Variants in KHNYN observed in about 807,000 individuals in gnomAD.
KHNYN encodes the protein KH and NYN domain containing, also known as protein KHNYN.
KHNYN carries 42 observed loss-of-function variants against 62.7 expected under a neutral mutation model. That is an observed-to-expected ratio of 0.67 (90% CI 0.52 to 0.87). KHNYN has a LOEUF of 0.87. Ranked by LOEUF, KHNYN falls within the 40% of genes least tolerant of loss-of-function variation. The pLI is 0.00. For missense variants in KHNYN, 829 were observed against 874.1 expected (o/e 0.95, Z 0.65); for synonymous variants, 347 against 345.6 (o/e 1.00, Z -0.04).
intron 5 of KHNYN, among the ~76,000 whole-genome samples, chr14:24,433,664 T>G (rs2043160575): frequency 6.6e-6 from 1 of 152,238 alleles, no homozygotes; most frequent in South Asian, 2.1e-4. Context: ...AGGTATGTGC[T>G]TGCCTTGCTC....
intron 7 of KHNYN, 79 bp from the exon 8 acceptor site, chr14:24,436,957 A>G: frequency 6.5e-7 from 1 of 1,531,136 alleles, no homozygotes. Flanking sequence ...AGGCAGGACA[A>G]TTACGAGAGG....
chr14:24,429,009 G>T (rs1281779948), upstream of KHNYN: 1 of 1,546,408 alleles, frequency 6.5e-7, no homozygotes, highest in Non-Finnish European at 8.7e-7. Context: ...GGCAGCCCGG[G>T]ACTGTGTAGG....
In KHNYN at chr14:24,437,327, C is replaced by T. The variant is rs749604245; in HGVS notation, c.*42C>T. 18 of 1,581,474 alleles carry T rather than the reference C, an allele frequency of 1.1e-5. No homozygotes were observed. The highest frequency in any genetic ancestry group is 6.7e-5 in the African/African-American group (5 of 74,322). ...TGGCTGCCGCCCTGTCAGCTCCAGC[C>T]GCCTCCAGCTCAGCCCTTTCTGTGA... is the stretch of plus-strand genomic sequence containing the variant. On this transcript the variant is annotated 3_prime_UTR_variant, in exon 8 of 8. Coordinates refer to ENST00000553935, the MANE Select transcript of KHNYN (RefSeq NM_015299.3). This position sits in a 1 kb window ranked among gnomAD's most constrained non-coding sequence, Gnocchi z 5.5.
At chr14:24,429,169 G>A (rs1594750133), upstream of KHNYN, 20 of 1,103,388 alleles carry the variant, frequency 1.8e-5, no homozygotes, top group East Asian at 2.9e-4. Flanking sequence ...CTCTAGGCTC[G>A]CTGAACCCCC....
chr14:24,429,619 ATTGCTTTGGTGGAAAGTGCTT>A, upstream of KHNYN: 1 of 1,043,054 alleles, frequency 9.6e-7, no homozygotes. Flanking sequence ...CTCCGCCACG[ATTGCTTTGGTGGAAAGTGCTT>A]GGGCCTAGAG....
In KHNYN at chr14:24,432,443, G is replaced by A. The variant is rs1454603990; in HGVS notation, c.1182G>A (p.Arg394=). The change falls in exon 3 of 8, where the codon CGG becomes CGA. Residue 394 remains arginine (R), a synonymous_variant. Coordinates refer to ENST00000553935, the MANE Select transcript of KHNYN (RefSeq NM_015299.3). The surrounding 1 kb of genome is among the most constrained non-coding windows in gnomAD (Gnocchi z 5.6). ...DRGDKQQGMA[R]GRGPQWKRGA... ...GAGACAAGCAGCAGGGCATGGCACG[G>A]GGTCGGGGGCCTCAATGGAAACGAG... is the stretch of plus-strand genomic sequence containing the variant. 4 of 1,613,438 alleles carry A rather than the reference G, an allele frequency of 2.5e-6. No homozygotes were observed. The highest frequency in any genetic ancestry group is 3.4e-6 in the Non-Finnish European group (4 of 1,179,884).
At chr14:24,429,024 C>T, upstream of KHNYN, 7 of 1,524,478 alleles carry the variant, frequency 4.6e-6, no homozygotes, top group Non-Finnish European at 6.2e-6. Flanking sequence ...TGTAGGGGAC[C>T]TGGTAGCCAG....
At chr14:24,429,007 G>C (rs368998125), upstream of KHNYN, 1 of 1,546,842 alleles carries the variant, frequency 6.5e-7, no homozygotes, top group Admixed American at 2.0e-5. Context: ...AGGGCAGCCC[G>C]GGACTGTGTA....
chr14:24,434,930 A>G (rs181878764), intron 5 of KHNYN, among the ~76,000 whole-genome samples: 1 of 152,280 alleles, frequency 6.6e-6, no homozygotes, highest in Non-Finnish European at 1.5e-5. Context: ...ATCAAACACT[A>G]CAGGAACTCA....
At chr14:24,427,877 T>C, upstream of KHNYN, 1 of 1,613,978 alleles carries the variant, frequency 6.2e-7, no homozygotes, top group Non-Finnish European at 8.5e-7. The surrounding 1 kb of genome is among the most constrained non-coding windows in gnomAD (Gnocchi z 4.4). Flanking sequence ...AGACACTCGG[T>C]CCCCAGGGTC....
rs1475660437 is a variant in KHNYN at position 24,436,186 on chromosome 14, G to T, written c.1685+7G>T. ...TGGCAATCATCAGAGAACGGTGAGG[G>T]AGCCCTCCCGCTGAGAACTGGGCAC... On this transcript the variant is annotated splice_region_variant and intron_variant, in intron 6 of 7. Coordinates refer to ENST00000553935, the MANE Select transcript of KHNYN (RefSeq NM_015299.3). 1 of 1,607,684 alleles carries T rather than the reference G, an allele frequency of 6.2e-7. No homozygotes were observed. The highest frequency in any genetic ancestry group is 1.7e-4 in the Middle Eastern group (1 of 6,000).
chr14:24,440,950 GC>G lies in KHNYN; in HGVS notation c.*3668del, dbSNP rs1594763796. On this transcript the variant is annotated 3_prime_UTR_variant, in exon 8 of 8. Transcript: ENST00000553935. ...AGCTGCCGGTGGAACACAATCATTT[GC>G]CCTGGGTGTCCTTGGTCCTGCCTGG... 1.9e-6 allele frequency: 3 copies of G among 1,613,868 alleles called. No individual in the cohort carries two copies. The East Asian group carries it at 6.7e-5, about 36-fold the overall frequency.
chr14:24,428,037 C>T (rs965221257), upstream of KHNYN: 15 of 1,549,548 alleles, frequency 9.7e-6, no homozygotes, highest in Non-Finnish European at 1.2e-5. Context: ...TAGCTCAGGA[C>T]CCCCCACTTT....
upstream of KHNYN, chr14:24,426,805 C>A (rs1275496017): frequency 6.6e-6 from 1 of 152,068 alleles, no homozygotes; most frequent in Non-Finnish European, 1.5e-5. Context: ...TAATAGGAAG[C>A]CTAAGGAGGA....
At chr14:24,436,225 T>C (rs995477745) in intron 6 of KHNYN, 46 bp downstream of exon 6, 5 of 1,553,210 alleles carry the variant, frequency 3.2e-6, no homozygotes, top group Admixed American at 1.7e-5. Context: ...TGCAGATGTT[T>C]TTCTAAAGCC....
chr14:24,429,051 A>C, upstream of KHNYN: 1 of 1,501,256 alleles, frequency 6.7e-7, no homozygotes, highest in Admixed American at 2.3e-5. Flanking sequence ...TTGGCTCCCA[A>C]CATGGCTGAG....
chr14:24,441,326 G>A lies in KHNYN; in HGVS notation c.*4041G>A, dbSNP rs2043332227. ...TGTTGTAAGGAATAAATGATAATAA[G>A]CATAAAACACTTCAAATAGTGGCTG... On this transcript the variant is annotated 3_prime_UTR_variant, in exon 8 of 8. Coordinates refer to ENST00000553935, the MANE Select transcript of KHNYN (RefSeq NM_015299.3). The A allele has an allele frequency of 4.5e-6, 2 of 444,440 alleles. No homozygotes were observed. The highest frequency in any genetic ancestry group is 4.0e-6 in the Non-Finnish European group (1 of 247,114). The allele number at this position is 444,440 out of a possible 1,614,324, so 27.5% of individuals were successfully genotyped here.
At chr14:24,427,698 GTCTC>G, upstream of KHNYN, 1 of 1,186,648 alleles carries the variant, frequency 8.4e-7, no homozygotes, top group African/African-American at 1.5e-5. The surrounding 1 kb of genome is among the most constrained non-coding windows in gnomAD (Gnocchi z 4.4). Context: ...GCCAGAGGGA[GTCTC>G]TCTCCTGCCT....
chr14:24,426,276 T>C (rs2043019308), upstream of KHNYN, among the ~76,000 whole-genome samples: 1 of 152,254 alleles, frequency 6.6e-6, no homozygotes, highest in Admixed American at 6.5e-5. Flanking sequence ...AAAAGTATCT[T>C]TGCTTTCTGT....
Sources: gnomAD v4.1 joint callset for allele counts (sites outside exome capture counted in the v4.1 genomes callset) on GRCh38, gnomAD v4.1.1 for gene constraint, Gnocchi (gnomAD v3.1) non-coding constraint, MANE v1.5 for transcripts, NCBI Gene and HGNC (gene_info 2026-07-23, HGNC 2026-07-21) for gene names.